MAGEA9B: variants seen among roughly 807,000 people sequenced by gnomAD.
MAGEA9B encodes the protein MAGE family member A9B, also known as melanoma-associated antigen 9.
chrX:149,586,573 T>A (rs1461502969), intron 1 of MAGEA9B, among the ~76,000 whole-genome samples: 2 of 53,179 alleles, frequency 3.8e-5, no homozygotes, highest in African/African-American at 1.4e-4. Context: ...GGGGTGAGGA[T>A]GGAGGTGGGG....
At chrX:149,583,795 GGGACTGGA>G (rs2089969401) in intron 1 of MAGEA9B, among the ~76,000 whole-genome samples, 162 bp from the exon 2 acceptor site, 3 of 103,266 alleles carry the variant, frequency 2.9e-5, no homozygotes, top group Non-Finnish European at 4.1e-5. Context: ...TCTCCTGGCA[GGGACTGGA>G]CTCTACTCCT....
chrX:149,583,808 ACTC>A (rs2089969503), intron 1 of MAGEA9B, among the ~76,000 whole-genome samples, 175 bp from the exon 2 acceptor site: 1 of 96,823 alleles, frequency 1.0e-5, no homozygotes, highest in Non-Finnish European at 2.1e-5. Flanking sequence ...ACTGGACTCT[ACTC>A]CTCTACTTGC....
At chrX:149,586,774 G>T (rs1180622580) in intron 1 of MAGEA9B, 7 of 14,420 alleles carry the variant, frequency 4.9e-4, no homozygotes, top group African/African-American at 1.7e-3. Context: ...CTGGGGCGGG[G>T]GGTCTTGAGT....
At chrX:149,586,645 TC>T (rs2089980292) in intron 1 of MAGEA9B, among the ~76,000 whole-genome samples, 3 of 48,184 alleles carry the variant, frequency 6.2e-5, no homozygotes, top group Non-Finnish European at 1.3e-4. Flanking sequence ...CGTTCAGCCC[TC>T]CCTCAGGGTT....
intron 1 of MAGEA9B, among the ~76,000 whole-genome samples, chrX:149,586,594 T>G (rs1602845266): frequency 1.7e-5 from 1 of 59,234 alleles, no homozygotes; most frequent in Non-Finnish European, 3.6e-5. Flanking sequence ...AACCTGAGGC[T>G]GTAGGTCATG....
In MAGEA9B at chrX:149,582,211, G is replaced by A. The variant is rs2089962600; in HGVS notation, c.*21C>T. ...ATGGGGCCCTGACCCCACAAACTTT[G>A]GCCCCGGCTGCGGCTGGTGCTCAGA... is the stretch of plus-strand genomic sequence containing the variant. On this transcript the variant is annotated 3_prime_UTR_variant, in exon 4 of 4. Transcript: ENST00000595065. 1 of 400,195 alleles carries A rather than the reference G, an allele frequency of 2.5e-6. No homozygotes were observed. The highest frequency in any genetic ancestry group is 4.1e-6 in the Non-Finnish European group (1 of 240,981). The allele number at this position is 400,195 out of a possible 1,213,427, so 33.0% of individuals were successfully genotyped here. A position where few individuals can be genotyped will look rare whatever the true frequency, so the allele number is the denominator to read the frequency against.
chrX:149,586,356 G>A (rs1420227249), intron 1 of MAGEA9B, among the ~76,000 whole-genome samples: 1 of 112,921 alleles, frequency 8.9e-6, no homozygotes, highest in Non-Finnish European at 1.9e-5. Flanking sequence ...CTCCCTCAGC[G>A]TCTCATCTTG....
At chrX:149,586,323 C>T (rs1245849859) in intron 1 of MAGEA9B, among the ~76,000 whole-genome samples, 1 of 113,503 alleles carries the variant, frequency 8.8e-6, no homozygotes, top group Non-Finnish European at 1.9e-5. Context: ...GGCCCTCTAT[C>T]TGGGGTGGGG....
At chrX:149,586,428 GCCCTTGCTACTCTCTGAC>G (rs2089978337) in intron 1 of MAGEA9B, among the ~76,000 whole-genome samples, 1 of 99,749 alleles carries the variant, frequency 1.0e-5, no homozygotes, top group African/African-American at 3.6e-5. Context: ...TCAGAACCAA[GCCCTTGCTACTCTCTGAC>G]CCCCAGTGCG....
Position 149,582,632 on chromosome X carries a change from AGG to A in MAGEA9B, c.546_547del (p.Ser184ValfsTer3). On this transcript the variant is annotated frameshift_variant, in exon 4 of 4. Transcript: ENST00000595065. LOFTEE classifies it high-confidence loss of function. ...ATCACCCAGCATGCTATCGCACGAG[AGG>A]CCAAGAGCAGTGACAAGGATGTAGG... The A allele has an allele frequency of 5.3e-6, 1 of 187,688 alleles. No individual in the cohort carries two copies. The highest frequency in any genetic ancestry group is 8.5e-6 in the Non-Finnish European group (1 of 118,051). 15.5% of individuals were successfully genotyped at this position (187,688 alleles called of 1,213,427 possible).
At chrX:149,586,621 TA>T (rs2089980060) in intron 1 of MAGEA9B, among the ~76,000 whole-genome samples, 1 of 58,099 alleles carries the variant, frequency 1.7e-5, no homozygotes, top group East Asian at 4.6e-4. Context: ...GTGGCTGGGT[TA>T]GGGGTGTGGA....
intron 1 of MAGEA9B, among the ~76,000 whole-genome samples, chrX:149,586,641 GC>G (rs2089980236): frequency 5.7e-5 from 3 of 52,874 alleles, no homozygotes; most frequent in Non-Finnish European, 1.2e-4. Context: ...GAGGCGTTCA[GC>G]CCTCCCTCAG....
chrX:149,583,762 C>A (rs1276331544), intron 1 of MAGEA9B, 129 bp from the exon 2 acceptor site: 1 of 118,361 alleles, frequency 8.4e-6, no homozygotes, highest in Admixed American at 8.0e-5. Context: ...GTCCCCTCTG[C>A]GCTCACTCAG....
intron 1 of MAGEA9B, among the ~76,000 whole-genome samples, chrX:149,585,862 G>A (rs2089974221): frequency 8.8e-6 from 1 of 113,726 alleles, no homozygotes; most frequent in Non-Finnish European, 1.9e-5. Flanking sequence ...GAATGAGGAG[G>A]GGCCTCGGTC....
intron 1 of MAGEA9B, among the ~76,000 whole-genome samples, chrX:149,584,778 GC>G (rs1156715060): frequency 2.7e-4 from 5 of 18,487 alleles, no homozygotes; most frequent in South Asian, 1.4e-3. Flanking sequence ...CCTTGATCAG[GC>G]CCCCCCCCGC....
intron 1 of MAGEA9B, among the ~76,000 whole-genome samples, 159 bp from the exon 2 acceptor site, chrX:149,583,792 GCA>G (rs2089969360): frequency 2.9e-5 from 3 of 103,730 alleles, no homozygotes; most frequent in Non-Finnish European, 4.1e-5. Context: ...CTTTCTCCTG[GCA>G]GGGACTGGAC....
At chrX:149,586,600 T>G (rs1557351339) in intron 1 of MAGEA9B, among the ~76,000 whole-genome samples, 4 of 55,671 alleles carry the variant, frequency 7.2e-5, no homozygotes, top group African/African-American at 1.3e-4. Flanking sequence ...AGGCTGTAGG[T>G]CATGGTGGTG....
intron 1 of MAGEA9B, among the ~76,000 whole-genome samples, chrX:149,586,316 C>T (rs2089977385): frequency 8.8e-6 from 1 of 113,415 alleles, no homozygotes; most frequent in Non-Finnish European, 1.9e-5. Flanking sequence ...TATTTGGGGC[C>T]CTCTATCTGG....
At chrX:149,586,036 C>T (rs1170517739) in intron 1 of MAGEA9B, among the ~76,000 whole-genome samples, 1 of 107,289 alleles carries the variant, frequency 9.3e-6, no homozygotes, top group Non-Finnish European at 2.0e-5. Context: ...TCACGATCCG[C>T]TTGCCTGACC....
Sources: allele counts gnomAD v4.1 joint callset (sites outside exome capture counted in the v4.1 genomes callset), GRCh38; gene constraint gnomAD v4.1.1; transcripts MANE v1.5; gene names NCBI Gene and HGNC (gene_info 2026-07-23, HGNC 2026-07-21).